IL17REL: variants seen among roughly 807,000 people sequenced by gnomAD.
IL17REL encodes the protein interleukin 17 receptor E like.
IL17REL carries 36 observed loss-of-function variants against 49.0 expected under a neutral mutation model. The ratio of observed to expected loss-of-function variants is 0.73; its 90% CI spans 0.56 to 0.97. The LOEUF is 0.97. Among genes scored for constraint, IL17REL ranks in the 50% least tolerant of loss-of-function variants. The pLI, the probability that IL17REL is intolerant of heterozygous loss-of-function variation, is 0.00. For missense variants in IL17REL, 470 were observed against 453.9 expected, an observed-to-expected ratio of 1.04 and a Z score of -0.32; for synonymous variants, 206 against 192.4, an observed-to-expected ratio of 1.07 and a Z score of -0.58.
upstream of IL17REL, chr22:50,012,683 G>A (rs1450570504): frequency 6.6e-6 from 1 of 152,302 alleles, no homozygotes; most frequent in East Asian, 1.9e-4. Flanking sequence ...GGTAAGCGTG[G>A]ATGTGAGTGG....
At chr22:49,999,246 C>A in intron 7 of IL17REL, 45 bp downstream of exon 9, 1 of 1,608,484 alleles carries the variant, frequency 6.2e-7, no homozygotes, top group Non-Finnish European at 8.5e-7. Flanking sequence ...AGACTGGCCG[C>A]AGCCATTCCC....
At chr22:50,010,031 C>T (rs894428682), upstream of IL17REL, among the ~76,000 whole-genome samples, 10 of 73,614 alleles carry the variant, frequency 1.4e-4, no homozygotes, top group African/African-American at 5.7e-4. Context: ...GTTTTCTGTT[C>T]CAGGGTCCAG....
chr22:50,004,212 A>G (rs1165635430), intron 1 of IL17REL, among the ~76,000 whole-genome samples: 1 of 151,978 alleles, frequency 6.6e-6, no homozygotes, highest in Non-Finnish European at 1.5e-5. Flanking sequence ...CTGAGTAGCT[A>G]GGACTACAGG....
chr22:49,997,672 A>T lies in IL17REL; in HGVS notation c.877+13T>A. ...GCTGCGTCCACATTGCGTAGGCCTC[A>T]TGGAGAACTTACTTGGGAAGCGACG... is the stretch of plus-strand genomic sequence containing the variant. On this transcript the variant is annotated intron_variant, in intron 10 of 12. Coordinates refer to ENST00000341280, the Ensembl canonical transcript of IL17REL. 1 of 1,612,534 alleles carries T rather than the reference A, an allele frequency of 6.2e-7. No homozygotes were observed. The highest frequency in any genetic ancestry group is 8.5e-7 in the Non-Finnish European group (1 of 1,178,796).
chr22:49,993,197 G>A (rs1280821726), downstream of IL17REL, among the ~76,000 whole-genome samples: 1 of 152,220 alleles, frequency 6.6e-6, no homozygotes, highest in Non-Finnish European at 1.5e-5. This position sits in a 1 kb window ranked among gnomAD's most constrained non-coding sequence, Gnocchi z 6.0. Flanking sequence ...TTTGTTCCCG[G>A]TGCTGGGTCG....
At chr22:50,009,770 T>C (rs541906913), upstream of IL17REL, among the ~76,000 whole-genome samples, 1 of 152,344 alleles carries the variant, frequency 6.6e-6, no homozygotes, top group South Asian at 2.1e-4. Context: ...GCATTACCGG[T>C]GGCTACACCT....
intron 4 of IL17REL, 36 bp downstream of exon 5, chr22:50,000,442 A>T: frequency 6.6e-7 from 1 of 1,515,618 alleles, no homozygotes; most frequent in South Asian, 1.1e-5. Flanking sequence ...TGGAGGCTGA[A>T]CGGTAGCTGT....
At chr22:50,001,653 C>T (rs988053577) in intron 1 of IL17REL, among the ~76,000 whole-genome samples, 4 of 152,268 alleles carry the variant, frequency 2.6e-5, no homozygotes, top group African/African-American at 9.6e-5. Context: ...GCAGCCCAGG[C>T]CTCTGTCCAC....
chr22:49,997,228 C>T (rs966072488), intron 11 of IL17REL, 92 bp downstream of exon 13: 55 of 1,455,268 alleles, frequency 3.8e-5, no homozygotes, highest in Non-Finnish European at 4.8e-5. Context: ...GCTCAGGGCC[C>T]GGGTGGGGCA....
chr22:49,998,467 G>A (rs1360919486), intron 7 of IL17REL, among the ~76,000 whole-genome samples, 158 bp from the exon 10 acceptor site: 1 of 152,194 alleles, frequency 6.6e-6, no homozygotes, highest in African/African-American at 2.4e-5. Flanking sequence ...TGTGTGCATG[G>A]GTGCATGTGC....
chr22:50,000,821 G>C (rs763118393), exon 3 of IL17REL: 1 of 1,601,666 alleles, frequency 6.2e-7, no homozygotes, highest in South Asian at 1.1e-5. Context: ...CGTCTCCTGG[G>C]TGTCCAGGCT....
exon 12 of IL17REL, chr22:49,997,038 C>T (rs957055022): frequency 6.4e-7 from 1 of 1,561,948 alleles, no homozygotes; most frequent in African/African-American, 1.4e-5. Flanking sequence ...CTGGGAAGGT[C>T]TAGGAAGGCA....
chr22:49,996,366 C>T (rs2061034205), exon 13 of IL17REL: 1 of 152,442 alleles, frequency 6.6e-6, no homozygotes, highest in South Asian at 2.1e-4. Context: ...CAGAGCCACG[C>T]TCCTGACCAC....
chr22:49,999,744 G>GCGGGGCCTAAGGCTGAC, intron 5 of IL17REL, 84 bp downstream of exon 7: 6 of 1,085,046 alleles, frequency 5.5e-6, no homozygotes, highest in East Asian at 7.4e-5. Context: ...CGCGGGGTGG[G>GCGGGGCCTAAGGCTGAC]CGGGGCCTAA....
chr22:49,997,643 C>A, intron 10 of IL17REL, 42 bp downstream of exon 12: 1 of 1,581,578 alleles, frequency 6.3e-7, no homozygotes, highest in South Asian at 1.1e-5. Context: ...AAAGGATGTT[C>A]TGTGCTGCGT....
intron 1 of IL17REL, among the ~76,000 whole-genome samples, chr22:50,004,479 G>T (rs1167789593): frequency 2.0e-5 from 3 of 152,196 alleles, no homozygotes; most frequent in African/African-American, 7.2e-5. Context: ...CCCAAGGCTG[G>T]TGTTTCCTTC....
intron 1 of IL17REL, among the ~76,000 whole-genome samples, chr22:50,006,216 C>T (rs1177703027): frequency 6.6e-6 from 1 of 152,070 alleles, no homozygotes; most frequent in African/African-American, 2.4e-5. Flanking sequence ...GTTCCAGACT[C>T]GCTGAGTGGA....
At chr22:49,999,628 G>C (rs2061062542) in intron 5 of IL17REL, 126 bp from the exon 8 acceptor site, 1 of 657,236 alleles carries the variant, frequency 1.5e-6, no homozygotes, top group African/African-American at 2.0e-5. Context: ...GCCTGGCCGG[G>C]GGCGGGGCGC....
chr22:50,003,491 A>C (rs1304355482), intron 1 of IL17REL, among the ~76,000 whole-genome samples: 1 of 134,660 alleles, frequency 7.4e-6, no homozygotes, highest in Non-Finnish European at 1.5e-5. Context: ...ACTGCACTCC[A>C]GCCTGGAGAC....
Sources: gnomAD v4.1 joint callset for allele counts (sites outside exome capture counted in the v4.1 genomes callset) on GRCh38, gnomAD v4.1.1 for gene constraint, Gnocchi (gnomAD v3.1) non-coding constraint, MANE v1.5 for transcripts, NCBI Gene and HGNC (gene_info 2026-07-23, HGNC 2026-07-21) for gene names.